Variants in ZNF407 observed in about 807,000 individuals in gnomAD.
ZNF407 encodes the protein zinc finger protein 407.
In ZNF407, 17 loss-of-function variants were observed where a neutral mutation model predicts 131.2. That is an observed-to-expected ratio of 0.13 (90% confidence interval 0.09 to 0.19). The LOEUF is 0.19. Ranked by LOEUF, ZNF407 falls within the 10% of genes least tolerant of loss-of-function variation. The probability of loss-of-function intolerance (pLI) is 1.00; values close to 1 mark genes in which losing one functional copy is unlikely to be tolerated. For synonymous variants in ZNF407, 1,156 were observed against 1,062.0 expected (o/e 1.09, Z -1.72); for missense variants, 2,681 against 2,830.6 (o/e 0.95, Z 1.20).
intron 3 of ZNF407, among the ~76,000 whole-genome samples, chr18:74,723,946 G>C (rs1458377057): frequency 6.8e-6 from 1 of 147,280 alleles, no homozygotes; most frequent in Non-Finnish European, 1.5e-5. Context: ...GGGGCGGGGT[G>C]GGGGGGGTTT....
At chr18:74,708,135 A>G (rs917064553) in intron 3 of ZNF407, among the ~76,000 whole-genome samples, 1 of 152,218 alleles carries the variant, frequency 6.6e-6, no homozygotes, top group Non-Finnish European at 1.5e-5. Flanking sequence ...AAATAAAAAA[A>G]TCCCAAACTG....
At position 74,633,383 on chromosome 18, in the gene ZNF407, G is replaced by A. The variant is rs1568134246; in HGVS notation, c.2364G>A (p.Glu788=). The A allele has an allele frequency of 1.2e-6, 2 of 1,613,962 alleles. No homozygotes were observed. Among genetic ancestry groups the A allele is most frequent in the Non-Finnish European group, 1.7e-6 (2 of 1,179,896 alleles). ...TAGGTGCAAATGATAAAAAAGAAGA[G>A]TTTGATGTTTCCGGAAATGGAAGGA... ...VCIGANDKKE[E]FDVSGNGRIE... Residue 788 remains glutamate (E), a synonymous_variant, in exon 2 of 9, where the codon GAG becomes GAA. Coordinates refer to ENST00000299687, the MANE Select transcript of ZNF407 (RefSeq NM_017757.3).
At chr18:74,684,435 A>G (rs1967052334) in intron 3 of ZNF407, among the ~76,000 whole-genome samples, 2 of 152,208 alleles carry the variant, frequency 1.3e-5, no homozygotes, top group Admixed American at 1.3e-4. Flanking sequence ...TAAAAAGATG[A>G]ATACTTACGA....
rs114100012 is a variant in ZNF407 at position 74,957,127 on chromosome 18, C to T, written c.5428+36435C>T. ...TGGGCCATAACCTGCAGCTTTAGGCCCCACCCAGTGGCCTAGGACTGTGGA... is the reference window on the plus strand; with the variant it reads ...TGGGCCATAACCTGCAGCTTTAGGCTCCACCCAGTGGCCTAGGACTGTGGA... On this transcript the variant is annotated intron_variant, in intron 8 of 8. Coordinates refer to ENST00000299687, the MANE Select transcript of ZNF407 (RefSeq NM_017757.3). Among the ~76,000 whole-genome samples the T allele has an allele frequency of 8.5e-3, 1,297 of 152,154 alleles. 17 individuals are homozygous for T. Among genetic ancestry groups the T allele is most frequent in the African/African-American group, 0.028 (1,177 of 41,504 alleles).
chr18:74,638,572 C>G (rs1291349954), intron 2 of ZNF407, among the ~76,000 whole-genome samples: 2 of 152,264 alleles, frequency 1.3e-5, no homozygotes, highest in South Asian at 4.1e-4. Flanking sequence ...GAGGAGCCCT[C>G]GTAGGCCTGA....
intron 1 of ZNF407, among the ~76,000 whole-genome samples, chr18:74,610,811 CCCG>C (rs1983027039): frequency 1.3e-5 from 2 of 152,160 alleles, no homozygotes; most frequent in Non-Finnish European, 2.9e-5. Flanking sequence ...ACCTCAGCCT[CCCG>C]AAGTGCTGAT....
rs765964289 is a variant in ZNF407 at position 75,063,230 on chromosome 18, G to A, written c.5509G>A (p.Ala1837Thr). The A allele has an allele frequency of 6.2e-7, 1 of 1,613,490 alleles. No homozygotes were observed. The highest frequency in any genetic ancestry group is 8.5e-7 in the Non-Finnish European group (1 of 1,179,830). ...GGAGACAGACAGCCCCTTCACCGCG[G>A]CGGCCTTGGCAGAAGAGCCCCTCGT... ...FVETDSPFTAAALAEEPLVKE... is the reference protein window; with the variant it reads ...FVETDSPFTATALAEEPLVKE... The change falls in exon 9 of 9, where the codon GCG becomes ACG. Residue 1837 changes from alanine to threonine, a missense_variant. By Grantham distance (58) the Ala-to-Thr change is moderately conservative. Transcript: ENST00000299687. This position sits in a 1 kb window ranked among gnomAD's most constrained non-coding sequence, Gnocchi z 6.6.
At chr18:74,905,319 G>A (rs1190535208) in intron 7 of ZNF407, 1 of 152,234 alleles carries the variant, frequency 6.6e-6, no homozygotes, top group Admixed American at 6.5e-5. Flanking sequence ...GGTCTGAAAG[G>A]CTGGCCTTGC....
intron 3 of ZNF407, among the ~76,000 whole-genome samples, chr18:74,732,956 C>T (rs896319153): frequency 1.3e-5 from 2 of 152,080 alleles, no homozygotes; most frequent in Non-Finnish European, 2.9e-5. Flanking sequence ...TTTTATATTT[C>T]AGTCAGTCTA....
At chr18:74,990,446 CTTCTGA>C (rs1972705314) in intron 8 of ZNF407, among the ~76,000 whole-genome samples, 1 of 152,170 alleles carries the variant, frequency 6.6e-6, no homozygotes. Context: ...CTTTGACACT[CTTCTGA>C]TTCTGTTCTA....
At chr18:74,729,537 C>G (rs1159994396) in intron 3 of ZNF407, among the ~76,000 whole-genome samples, 1 of 151,908 alleles carries the variant, frequency 6.6e-6, no homozygotes, top group Non-Finnish European at 1.5e-5. Flanking sequence ...CGTTGGTTCC[C>G]TCATTCGTTT....
Position 74,781,491 on chromosome 18 carries a change from C to A in ZNF407, c.4866C>A (p.Thr1622=). The change falls in exon 4 of 9, where the codon ACC becomes ACA. Residue 1622 remains threonine, a synonymous_variant. Coordinates refer to ENST00000299687, the MANE Select transcript of ZNF407 (RefSeq NM_017757.3). ...THLLGKHGVG[T]PKERKFTCHL... is the part of the protein sequence containing the mutation. The stretch of plus-strand genomic sequence containing the variant: ...TACTAGGCAAGCATGGAGTTGGCAC[C>A]CCAAAAGAAAGGTAATTTTCATTCT... 6.6e-7 allele frequency: 1 copy of A among 1,517,712 alleles called. No homozygotes were observed. The highest frequency in any genetic ancestry group is 1.3e-5 in the South Asian group (1 of 75,582). The allele number at this position is 1,517,712 out of a possible 1,614,324, so 94.0% of individuals were successfully genotyped here.
At chr18:74,694,411 A>G (rs753092449) in intron 3 of ZNF407, among the ~76,000 whole-genome samples, 31 of 151,566 alleles carry the variant, frequency 2.0e-4, no homozygotes, top group Non-Finnish European at 4.1e-4. Context: ...CAAGAGATAT[A>G]GCTCCCTTTA....
At chr18:74,883,713 G>A (rs535451045) in intron 6 of ZNF407, among the ~76,000 whole-genome samples, 18 of 152,270 alleles carry the variant, frequency 1.2e-4, no homozygotes, top group African/African-American at 3.6e-4. Flanking sequence ...CCCGTCTGAC[G>A]GACAGTTGAC....
At chr18:74,789,346 C>G (rs1338931683) in intron 4 of ZNF407, among the ~76,000 whole-genome samples, 2 of 152,030 alleles carry the variant, frequency 1.3e-5, no homozygotes, top group Non-Finnish European at 2.9e-5. Flanking sequence ...GCCTTGAGCT[C>G]AGTGGCCTTG....
intron 8 of ZNF407, among the ~76,000 whole-genome samples, chr18:75,045,338 C>T (rs1478995729): frequency 6.6e-6 from 1 of 152,168 alleles, no homozygotes; most frequent in Non-Finnish European, 1.5e-5. Context: ...GCACTGTTTA[C>T]ATAAGATTAT....
At chr18:74,937,770 G>T (rs1972054851) in intron 8 of ZNF407, among the ~76,000 whole-genome samples, 1 of 152,196 alleles carries the variant, frequency 6.6e-6, no homozygotes, top group South Asian at 2.1e-4. Flanking sequence ...ACAATTTTTT[G>T]ATCACCAGGC....
At chr18:74,853,242 G>T (rs951626872) in intron 4 of ZNF407, among the ~76,000 whole-genome samples, 2 of 152,138 alleles carry the variant, frequency 1.3e-5, no homozygotes, top group Admixed American at 1.3e-4. Context: ...TAAATATTGT[G>T]ATTTCTGAGC....
Position 75,032,944 on chromosome 18 carries a change from T to C in ZNF407, c.5429-30206T>C, listed in dbSNP as rs141095184. 3.1e-4 allele frequency among the ~76,000 whole-genome samples: 34 copies of C among 109,946 alleles called. 3 individuals carry two copies. The East Asian group carries it at 9.3e-3, about 30-fold the overall frequency. 72.1% of individuals were successfully genotyped at this position (109,946 alleles called of 152,430 possible). ...GAGTGCTCGGAATGGGGGAAGATAG[T>C]ATTAGTTAACTAAGAGTGCTCGGAA... On this transcript the variant is annotated intron_variant, in intron 8 of 8. Coordinates refer to ENST00000299687, the MANE Select transcript of ZNF407 (RefSeq NM_017757.3).
Sources: gnomAD v4.1 joint callset for allele counts (sites outside exome capture counted in the v4.1 genomes callset) on GRCh38, gnomAD v4.1.1 for gene constraint, Gnocchi (gnomAD v3.1) non-coding constraint, MANE v1.5 for transcripts, NCBI Gene and HGNC (gene_info 2026-07-23, HGNC 2026-07-21) for gene names.